Variants in CARS2 observed in about 807,000 individuals in gnomAD.
CARS2 encodes cysteinyl-tRNA synthetase 2, mitochondrial.
A neutral mutation model predicts 68.8 loss-of-function variants in CARS2; 52 were observed. The ratio of observed to expected loss-of-function variants is 0.76; its 90% CI spans 0.61 to 0.95. CARS2 has a LOEUF of 0.95. CARS2 is among the 40% of genes least tolerant of loss of function. CARS2 has a pLI of 0.00. For missense variants in CARS2, 780 were observed against 754.2 expected, an observed-to-expected ratio of 1.03 and a Z score of -0.40; for synonymous variants, 314 against 303.6, an observed-to-expected ratio of 1.03 and a Z score of -0.36.
chr13:110,651,525 C>T (rs985637190), intron 9 of CARS2, among the ~76,000 whole-genome samples: 5 of 152,188 alleles, frequency 3.3e-5, no homozygotes, highest in Admixed American at 1.3e-4. Flanking sequence ...GAGAAGCTTG[C>T]GGTGAACGTC....
chr13:110,707,743 C>T (rs1246731567), upstream of CARS2: 1 of 151,976 alleles, frequency 6.6e-6, no homozygotes, highest in African/African-American at 2.4e-5. Context: ...AAACAGGAGA[C>T]GTTCCTCTGG....
chr13:110,663,120 C>A lies in CARS2; in HGVS notation c.987+331G>T, dbSNP rs955342388. 5.9e-6 allele frequency: 3 copies of A among 504,246 alleles called. No individual in the cohort carries two copies. The Admixed American group carries it at 6.9e-5, about 12-fold the overall frequency. The allele number at this position is 504,246 out of a possible 1,614,324, so 31.2% of individuals were successfully genotyped here. A position where few individuals can be genotyped will look rare whatever the true frequency, so the allele number is the denominator to read the frequency against. On this transcript the variant is annotated intron_variant, in intron 9 of 14. Coordinates refer to ENST00000257347, the MANE Select transcript of CARS2 (RefSeq NM_024537.4). ...ACCAGTAAGAGGTGGTGGGTGAGGG[C>A]GGGAAGGAAGTCAGCAGATGCACCA...
chr13:110,712,656 CG>C, intron 1 of CARS2: 1 of 609,540 alleles, frequency 1.6e-6, no homozygotes, highest in Middle Eastern at 2.6e-4. Context: ...GAGGGCGGTC[CG>C]GGGAGCTGAA....
At chr13:110,711,941 T>A (rs1031725515) in intron 1 of CARS2, among the ~76,000 whole-genome samples, 6 of 152,240 alleles carry the variant, frequency 3.9e-5, no homozygotes, top group Admixed American at 3.9e-4. Context: ...AATACGTTTT[T>A]AAAAAATCCA....
intron 9 of CARS2, among the ~76,000 whole-genome samples, chr13:110,656,179 TG>T (rs1200288586): frequency 6.6e-6 from 1 of 152,156 alleles, no homozygotes; most frequent in African/African-American, 2.4e-5. Flanking sequence ...GGTGTAGGCC[TG>T]TAATCCCAGC....
intron 10 of CARS2, among the ~76,000 whole-genome samples, chr13:110,647,692 A>AGGGG (rs1371651400): frequency 0.23 from 33,327 of 146,034 alleles, 4,350 homozygotes; most frequent in African/African-American, 0.39. Flanking sequence ...GACAGCCCAA[A>AGGGG]GAGGGAGGGA....
rs888490772 is a variant in CARS2 at position 110,665,733 on chromosome 13, C to T, written c.919+1607G>A. Reference sequence around the variant, plus strand: ...AGGGAGCGCTGAACTGAGCCCTGAACGAAGTCAACGAGGAAGTGACTTCGG... The same window carrying T: ...AGGGAGCGCTGAACTGAGCCCTGAATGAAGTCAACGAGGAAGTGACTTCGG... On this transcript the variant is annotated intron_variant, in intron 8 of 14. Coordinates refer to ENST00000257347, the MANE Select transcript of CARS2 (RefSeq NM_024537.4). The surrounding 1 kb of genome is among the most constrained non-coding windows in gnomAD (Gnocchi z 4.3). The T allele has an allele frequency of 3.2e-5, 32 of 985,362 alleles. No individual in the cohort carries two copies. The South Asian group carries it at 8.9e-4, about 27-fold the overall frequency. The allele number at this position is 985,362 out of a possible 1,614,324, so 61.0% of individuals were successfully genotyped here.
intron 9 of CARS2, among the ~76,000 whole-genome samples, chr13:110,654,942 G>GAAAAAAAA (rs1555345847): frequency 7.0e-5 from 7 of 99,644 alleles, no homozygotes; most frequent in Admixed American, 2.3e-4. Context: ...AAAAGAAAAA[G>GAAAAAAAA]AAAAAAAAAG....
chr13:110,681,478 CAG>C (rs1417772151), intron 6 of CARS2, among the ~76,000 whole-genome samples: 14 of 152,134 alleles, frequency 9.2e-5, no homozygotes, highest in African/African-American at 3.4e-4. Context: ...TGTGGAACGA[CAG>C]GGACTTATTC....
chr13:110,658,938 CA>C (rs1253465806), intron 9 of CARS2, among the ~76,000 whole-genome samples: 1 of 151,810 alleles, frequency 6.6e-6, no homozygotes, highest in South Asian at 2.1e-4. Flanking sequence ...AACAAACAAA[CA>C]AAAAAAGAAA....
At chr13:110,713,146 G>T in exon 1 of CARS2, 1 of 1,430,334 alleles carries the variant, frequency 7.0e-7, no homozygotes, top group South Asian at 1.5e-5. Context: ...CGGTCTCCCC[G>T]CCTCCTCTTC....
intron 9 of CARS2, among the ~76,000 whole-genome samples, chr13:110,661,899 A>G (rs2062512074): frequency 6.6e-6 from 1 of 152,202 alleles, no homozygotes; most frequent in African/African-American, 2.4e-5. Context: ...TGGTTCATGG[A>G]GCCCGAAAAC....
chr13:110,712,267 G>A (rs2064035634), intron 1 of CARS2: 1 of 153,672 alleles, frequency 6.5e-6, no homozygotes, highest in Non-Finnish European at 1.5e-5. Context: ...CAGTGAGAAA[G>A]GTGAAAACTG....
intron 9 of CARS2, among the ~76,000 whole-genome samples, chr13:110,658,105 A>T (rs1186920577): frequency 6.6e-6 from 1 of 152,156 alleles, no homozygotes; most frequent in East Asian, 1.9e-4. Flanking sequence ...CTCTTCAAAA[A>T]GTCAACACCA....
intron 3 of CARS2, among the ~76,000 whole-genome samples, chr13:110,696,225 A>AT (rs2063619250): frequency 6.6e-6 from 1 of 152,224 alleles, no homozygotes; most frequent in Non-Finnish European, 1.5e-5. Context: ...GTGCTGCAAT[A>AT]AACATACGTG....
chr13:110,647,062 A>G, intron 11 of CARS2, 39 bp downstream of exon 11: 1 of 1,527,218 alleles, frequency 6.5e-7, no homozygotes, highest in Non-Finnish European at 8.8e-7. Flanking sequence ...AGCAGGCCAC[A>G]GGAGGGGTGC....
At chr13:110,652,450 A>T (rs1052656073) in intron 9 of CARS2, among the ~76,000 whole-genome samples, 1 of 152,264 alleles carries the variant, frequency 6.6e-6, no homozygotes, top group African/African-American at 2.4e-5. Context: ...ACAACTGAAG[A>T]GCGTCTTGGG....
chr13:110,661,070 A>G (rs910127496), intron 9 of CARS2, among the ~76,000 whole-genome samples: 1 of 152,120 alleles, frequency 6.6e-6, no homozygotes, highest in Non-Finnish European at 1.5e-5. Flanking sequence ...GATTTAGGGT[A>G]ATTCTCAAGG....
At chr13:110,706,912 TAC>T (rs759991770), upstream of CARS2, among the ~76,000 whole-genome samples, 3 of 139,922 alleles carry the variant, frequency 2.1e-5, no homozygotes, top group Non-Finnish European at 3.1e-5. Context: ...CAACCCAGCA[TAC>T]AGTCTGCACC....
Sources: gnomAD v4.1 joint callset for allele counts (sites outside exome capture counted in the v4.1 genomes callset) on GRCh38, gnomAD v4.1.1 for gene constraint, Gnocchi (gnomAD v3.1) non-coding constraint, MANE v1.5 for transcripts, NCBI Gene and HGNC (gene_info 2026-07-23, HGNC 2026-07-21) for gene names.